DLG2: variants seen among roughly 807,000 people sequenced by gnomAD.
DLG2 encodes the protein discs large MAGUK scaffold protein 2.
Under a neutral mutation model 132.5 loss-of-function variants are expected in DLG2, and 45 were observed. That is an observed-to-expected ratio of 0.34 (90% CI 0.27 to 0.44). DLG2 has a LOEUF of 0.44. Among genes scored for constraint, DLG2 ranks in the 20% least tolerant of loss-of-function variants. The pLI is 1.00. For missense variants in DLG2, 1,045 were observed against 1,196.9 expected, an observed-to-expected ratio of 0.87 and a Z score of 1.87; for synonymous variants, 424 against 419.6, an observed-to-expected ratio of 1.01 and a Z score of -0.13.
At chr11:84,969,485 T>C (rs926753966) in intron 6 of DLG2, among the ~76,000 whole-genome samples, 6 of 152,220 alleles carry the variant, frequency 3.9e-5, no homozygotes, top group African/African-American at 1.2e-4. Context: ...AAAATCTTTT[T>C]TGGAAAATCT....
At chr11:83,980,813 G>C (rs1037617474) in intron 11 of DLG2, among the ~76,000 whole-genome samples, 171 bp from the exon 12 acceptor site, 1 of 152,162 alleles carries the variant, frequency 6.6e-6, no homozygotes, top group Non-Finnish European at 1.5e-5. Context: ...AATATTTGAA[G>C]AATTGTTAAT....
intron 3 of DLG2, among the ~76,000 whole-genome samples, chr11:85,357,735 T>TAA (rs1309129335): frequency 6.1e-5 from 1 of 16,436 alleles, no homozygotes; most frequent in East Asian, 3.0e-3. Flanking sequence ...TATATATATA[T>TAA]ATATATATAT....
intron 6 of DLG2, among the ~76,000 whole-genome samples, chr11:84,999,024 G>A (rs1378570000): frequency 6.6e-6 from 1 of 151,728 alleles, no homozygotes; most frequent in Admixed American, 6.6e-5. Context: ...AGAGTGCAGA[G>A]TTCTTGCATC....
intron 11 of DLG2, among the ~76,000 whole-genome samples, chr11:84,012,019 T>A (rs2094917765): frequency 6.6e-6 from 1 of 152,172 alleles, no homozygotes. Flanking sequence ...GATTGTTTTT[T>A]ACCCTGATTA....
intron 15 of DLG2, among the ~76,000 whole-genome samples, chr11:83,914,745 G>A (rs2076645537): frequency 6.6e-6 from 1 of 152,156 alleles, no homozygotes; most frequent in South Asian, 2.1e-4. Context: ...ATTAGACAGT[G>A]GATTTAACAG....
At chr11:83,975,266 G>C (rs1489409553) in intron 12 of DLG2, among the ~76,000 whole-genome samples, 1 of 151,914 alleles carries the variant, frequency 6.6e-6, no homozygotes, top group Non-Finnish European at 1.5e-5. Context: ...GAAATTCAAG[G>C]CCAAGAGAAT....
intron 11 of DLG2, among the ~76,000 whole-genome samples, chr11:84,026,561 T>G (rs969365517): frequency 6.6e-6 from 1 of 151,954 alleles, no homozygotes; most frequent in Non-Finnish European, 1.5e-5. Context: ...ATAAGTACTG[T>G]AAAGACACAT....
chr11:84,550,066 T>C (rs2099398689), intron 6 of DLG2, among the ~76,000 whole-genome samples: 1 of 151,922 alleles, frequency 6.6e-6, no homozygotes. Context: ...TTCCTATTTC[T>C]CTACCAGTGT....
intron 7 of DLG2, among the ~76,000 whole-genome samples, chr11:84,356,630 G>C (rs2098613811): frequency 6.6e-6 from 1 of 151,946 alleles, no homozygotes; most frequent in South Asian, 2.1e-4. Flanking sequence ...AATATATAAA[G>C]AGCTTAGAGA....
At chr11:84,196,493 A>G (rs1027878365) in intron 8 of DLG2, among the ~76,000 whole-genome samples, 1 of 152,248 alleles carries the variant, frequency 6.6e-6, no homozygotes, top group South Asian at 2.1e-4. Context: ...CTACTGAGGA[A>G]TAATGGAGTA....
At chr11:84,427,568 A>G (rs1383999889) in intron 7 of DLG2, among the ~76,000 whole-genome samples, 1 of 152,194 alleles carries the variant, frequency 6.6e-6, no homozygotes, top group Non-Finnish European at 1.5e-5. Context: ...GGAAAAAAAT[A>G]TATAGGAAAG....
At chr11:84,662,189 CTTTT>C (rs1191006822) in intron 6 of DLG2, among the ~76,000 whole-genome samples, 1 of 120,692 alleles carries the variant, frequency 8.3e-6, no homozygotes, top group Non-Finnish European at 1.7e-5. Flanking sequence ...CTTTGTAAAT[CTTTT>C]TTTTTTTTTT....
At chr11:84,079,565 G>A (rs183423652) in intron 10 of DLG2, among the ~76,000 whole-genome samples, 10 of 152,280 alleles carry the variant, frequency 6.6e-5, no homozygotes, top group African/African-American at 1.2e-4. Flanking sequence ...TTACAGGCAT[G>A]AGCCACCGTG....
intron 16 of DLG2, among the ~76,000 whole-genome samples, chr11:83,846,914 A>G (rs1009309934): frequency 3.8e-5 from 5 of 130,120 alleles, no homozygotes; most frequent in African/African-American, 1.2e-4. Flanking sequence ...TTTCATAACC[A>G]TACCTTCTAA....
chr11:84,631,060 A>C (rs2099631259), intron 6 of DLG2, among the ~76,000 whole-genome samples: 1 of 131,618 alleles, frequency 7.6e-6, no homozygotes, highest in Non-Finnish European at 1.6e-5. Flanking sequence ...ACACACACAG[A>C]AACCACGTTT....
At chr11:84,154,087 T>C (rs1462067286) in intron 9 of DLG2, among the ~76,000 whole-genome samples, 2 of 152,188 alleles carry the variant, frequency 1.3e-5, no homozygotes, top group African/African-American at 4.8e-5. Flanking sequence ...AGCCTCTGCC[T>C]CCTGGGTTTA....
intron 8 of DLG2, among the ~76,000 whole-genome samples, chr11:84,244,518 A>T (rs943023138): frequency 2.6e-5 from 4 of 152,180 alleles, no homozygotes; most frequent in Admixed American, 6.5e-5. Flanking sequence ...AAGAGTAGGG[A>T]TTCTGCTGAT....
chr11:84,965,788 T>C (rs915119537), intron 6 of DLG2, among the ~76,000 whole-genome samples: 6 of 151,944 alleles, frequency 3.9e-5, no homozygotes, highest in Non-Finnish European at 7.4e-5. Flanking sequence ...TCAAATTAAA[T>C]AGGAGAACAC....
intron 3 of DLG2, among the ~76,000 whole-genome samples, chr11:85,590,824 CTTA>C (rs1335592259): frequency 6.6e-6 from 1 of 152,142 alleles, no homozygotes; most frequent in Non-Finnish European, 1.5e-5. Context: ...CAAATTTTCA[CTTA>C]TTATGTACTT....
Sources: allele counts gnomAD v4.1 joint callset (sites outside exome capture counted in the v4.1 genomes callset), GRCh38; gene constraint gnomAD v4.1.1; transcripts MANE v1.5; gene names NCBI Gene and HGNC (gene_info 2026-07-23, HGNC 2026-07-21).